Variants in DPP6 observed in about 807,000 individuals in gnomAD.
The protein encoded by DPP6 is A-type potassium channel modulatory protein DPP6.
DPP6 carries 69 observed loss-of-function variants against 122.6 expected under a neutral mutation model. The ratio of observed to expected loss-of-function variants is 0.56; its 90% CI spans 0.46 to 0.69. The LOEUF (loss-of-function observed/expected upper bound fraction) is 0.69, where lower values mean the gene tolerates loss of function less well. Among genes scored for constraint, DPP6 ranks in the 30% least tolerant of loss-of-function variants. The probability of loss-of-function intolerance (pLI) is 0.00; values close to 1 mark genes in which losing one functional copy is unlikely to be tolerated. For missense variants in DPP6, 928 were observed against 1,116.9 expected (o/e 0.83, Z 2.41); for synonymous variants, 418 against 433.1 (o/e 0.97, Z 0.43).
chr7:154,348,249 C>T (rs531345040), intron 1 of DPP6, among the ~76,000 whole-genome samples: 8 of 152,176 alleles, frequency 5.3e-5, no homozygotes, highest in Non-Finnish European at 1.0e-4. Flanking sequence ...GAAAGTCATA[C>T]GATTCTATTC....
the DPP6 span, among the ~76,000 whole-genome samples, chr7:153,809,112 AT>A: frequency 6.6e-6 from 1 of 152,032 alleles, no homozygotes; most frequent in African/African-American, 2.4e-5. Flanking sequence ...GTGATGTCAC[AT>A]TGCAGTTTTG....
intron 1 of DPP6, among the ~76,000 whole-genome samples, chr7:154,240,237 G>A (rs1801499849): frequency 6.6e-6 from 1 of 151,990 alleles, no homozygotes; most frequent in Admixed American, 6.6e-5. Context: ...GTCCAATGGG[G>A]TAATTCTAAC....
intron 7 of DPP6, among the ~76,000 whole-genome samples, chr7:154,686,190 C>T (rs898727095): frequency 1.3e-5 from 2 of 152,168 alleles, no homozygotes; most frequent in African/African-American, 4.8e-5. Context: ...TTCCCCGGGT[C>T]ACATATCAGG....
intron 1 of DPP6, among the ~76,000 whole-genome samples, chr7:154,438,300 G>A (rs142910617): frequency 6.6e-6 from 1 of 151,202 alleles, no homozygotes; most frequent in Non-Finnish European, 1.5e-5. Flanking sequence ...ACCCCGTCTC[G>A]ACTAAAAAAA....
chr7:154,554,709 G>T (rs1438374299), intron 4 of DPP6, among the ~76,000 whole-genome samples: 1 of 152,140 alleles, frequency 6.6e-6, no homozygotes. Context: ...CCCAGATAAT[G>T]CAAAAGGTGA....
In DPP6 at chr7:154,013,553, T is replaced by A. The variant is rs146867442; in HGVS notation, c.51+125819T>A. ...TATAGTTAAAACAGGAAAATCTATTTGTGTTTACTTCATATCTTTCTGTTG... is the reference window on the plus strand; with the variant it reads ...TATAGTTAAAACAGGAAAATCTATTAGTGTTTACTTCATATCTTTCTGTTG... On this transcript the variant is annotated intron_variant, in intron 1 of 25. Coordinates refer to the DPP6 transcript ENST00000404039. Among the ~76,000 whole-genome samples, 729 of 151,960 alleles carry A rather than the reference T, an allele frequency of 4.8e-3. 10 individuals are homozygous for A. The highest frequency in any genetic ancestry group is 0.017 in the African/African-American group (702 of 41,490).
chr7:153,814,225 G>A, the DPP6 span, among the ~76,000 whole-genome samples: 5 of 151,320 alleles, frequency 3.3e-5, no homozygotes, highest in Admixed American at 2.6e-4. Context: ...TAATAAAGAA[G>A]AAAAGAGAGA....
In DPP6 at chr7:154,059,083, C is replaced by G. The variant is rs186499138; in HGVS notation, c.243+6020C>G. On this transcript the variant is annotated intron_variant, in intron 1 of 25. Transcript: ENST00000377770. ...CTGAGAGCCAGTCCCTCTTCCCCCT[C>G]TGGCTCTTAGGAACCCCATCGCAGG... The G allele has an allele frequency of 4.0e-4, 58 of 146,630 alleles. 3 individuals are homozygous for G. Among genetic ancestry groups the G allele is most frequent in the African/African-American group, 1.4e-3 (54 of 38,132 alleles). 9.1% of individuals were successfully genotyped at this position (146,630 alleles called of 1,614,324 possible).
At chr7:154,749,677 A>C (rs1281614544) in intron 8 of DPP6, among the ~76,000 whole-genome samples, 1 of 74,674 alleles carries the variant, frequency 1.3e-5, no homozygotes, top group Non-Finnish European at 2.7e-5. Context: ...AGAGAGGATG[A>C]GAGAGCATAG....
At chr7:154,831,072 C>CT (rs1416610857) in intron 16 of DPP6, among the ~76,000 whole-genome samples, 2 of 152,214 alleles carry the variant, frequency 1.3e-5, no homozygotes, top group Non-Finnish European at 2.9e-5. Context: ...GGGTGCCCTC[C>CT]TTCACCCTCA....
intron 1 of DPP6, among the ~76,000 whole-genome samples, chr7:154,166,821 G>A (rs1224536811): frequency 6.7e-6 from 1 of 149,112 alleles, no homozygotes; most frequent in African/African-American, 2.6e-5. Flanking sequence ...TGAGGCAGAA[G>A]AATTGTTTGA....
Position 154,574,226 on chromosome 7 carries a change from G to A in DPP6, c.627+7310G>A, listed in dbSNP as rs948865783. ...TGTGTGTGGGGTCTGTGTGTGTGGC[G>A]TGTGTGTGGTGTGGTGTGTATGTGT... On this transcript the variant is annotated intron_variant, in intron 5 of 25. Transcript: ENST00000377770. 9.8e-3 allele frequency among the ~76,000 whole-genome samples: 1,474 copies of A among 150,692 alleles called. 26 individuals carry two copies. Among genetic ancestry groups the A allele is most frequent in the African/African-American group, 0.032 (1,306 of 41,030 alleles).
intron 3 of DPP6, among the ~76,000 whole-genome samples, chr7:154,487,056 C>G (rs1823858361): frequency 6.6e-6 from 1 of 152,178 alleles, no homozygotes; most frequent in Non-Finnish European, 1.5e-5. Flanking sequence ...TTTGTTGACT[C>G]CAGTTTAGAC....
At chr7:154,616,763 C>G (rs919251296) in intron 5 of DPP6, among the ~76,000 whole-genome samples, 2 of 152,098 alleles carry the variant, frequency 1.3e-5, no homozygotes, top group Admixed American at 1.3e-4. Context: ...AAGGAGGAGC[C>G]GTGAGCATTC....
intron 7 of DPP6, among the ~76,000 whole-genome samples, chr7:154,672,024 C>T (rs55957842): frequency 0.16 from 24,408 of 152,000 alleles, 2,094 homozygotes; most frequent in East Asian, 0.33. Flanking sequence ...CCACACAAAT[C>T]TCACCTTTGA....
intron 1 of DPP6, among the ~76,000 whole-genome samples, chr7:154,078,930 A>G (rs1425955325): frequency 2.6e-4 from 38 of 144,510 alleles, no homozygotes; most frequent in Non-Finnish European, 4.5e-4. Flanking sequence ...AAAGGAAGTG[A>G]AAATACATTC....
chr7:154,313,602 T>C (rs886773138), intron 1 of DPP6, among the ~76,000 whole-genome samples: 1 of 149,994 alleles, frequency 6.7e-6, no homozygotes, highest in South Asian at 2.1e-4. Context: ...TAGAAACTTC[T>C]GGCTTTCAAA....
At chr7:154,451,000 C>T (rs895816063) in intron 2 of DPP6, among the ~76,000 whole-genome samples, 6 of 152,256 alleles carry the variant, frequency 3.9e-5, no homozygotes, top group South Asian at 2.1e-4. Flanking sequence ...TTTGCAGTTA[C>T]TCCCACCTTC....
chr7:154,165,636 G>T (rs543546395), intron 1 of DPP6, among the ~76,000 whole-genome samples: 35 of 151,856 alleles, frequency 2.3e-4, no homozygotes, highest in African/African-American at 8.5e-4. Context: ...GTGTAAAAGT[G>T]TTCCTATTTC....
Sources: gnomAD v4.1 joint callset for allele counts (sites outside exome capture counted in the v4.1 genomes callset) on GRCh38, gnomAD v4.1.1 for gene constraint, MANE v1.5 for transcripts, NCBI Gene and HGNC (gene_info 2026-07-23, HGNC 2026-07-21) for gene names.